The following CIRSR variants were observed in gnomAD, a reference collection of about 807,000 sequenced individuals.
CIRSR encodes the protein CBF1 (RBPJ) interacting corepressor 1.
At chr2:174,380,773 G>A in the CIRSR span, 1 of 1,601,598 alleles carries the variant, frequency 6.2e-7, no homozygotes, top group Admixed American at 1.7e-5. Flanking sequence ...TCAACTGCAA[G>A]TAAATTCAGA....
At chr2:174,356,115 G>A in the CIRSR span, among the ~76,000 whole-genome samples, 2 of 152,022 alleles carry the variant, frequency 1.3e-5, no homozygotes, top group Admixed American at 6.6e-5. Context: ...CAATTTTATG[G>A]TATTAAGTAG....
the CIRSR span, among the ~76,000 whole-genome samples, chr2:174,394,731 C>T: frequency 6.6e-6 from 1 of 152,112 alleles, no homozygotes. Context: ...CACCTCAACT[C>T]GTTCTAAAAA....
At chr2:174,372,237 T>A in the CIRSR span, among the ~76,000 whole-genome samples, 7 of 152,220 alleles carry the variant, frequency 4.6e-5, no homozygotes, top group African/African-American at 1.2e-4. Flanking sequence ...AATGTTAATT[T>A]AAAAAACTTA....
chr2:174,355,824 G>A, the CIRSR span, among the ~76,000 whole-genome samples: 1 of 152,140 alleles, frequency 6.6e-6, no homozygotes, highest in African/African-American at 2.4e-5. Flanking sequence ...ATGAGGAAAT[G>A]GCATACAACT....
At chr2:174,388,010 C>CA in the CIRSR span, among the ~76,000 whole-genome samples, 3 of 151,912 alleles carry the variant, frequency 2.0e-5, no homozygotes, top group Non-Finnish European at 4.4e-5. Flanking sequence ...AAGAAAAGGG[C>CA]AAAAAAATCT....
chr2:174,368,191 A>G, the CIRSR span, among the ~76,000 whole-genome samples: 1 of 152,174 alleles, frequency 6.6e-6, no homozygotes, highest in African/African-American at 2.4e-5. Flanking sequence ...AGGAGGATAT[A>G]GTTCAACTGA....
At chr2:174,376,798 A>AG in the CIRSR span, among the ~76,000 whole-genome samples, 2 of 119,600 alleles carry the variant, frequency 1.7e-5, no homozygotes, top group Admixed American at 8.2e-5. Flanking sequence ...ACTCTGTCTC[A>AG]GGGAAAAAAA....
At chr2:174,385,838 G>T in the CIRSR span, among the ~76,000 whole-genome samples, 1 of 151,962 alleles carries the variant, frequency 6.6e-6, no homozygotes, top group African/African-American at 2.4e-5. Context: ...CCTTACAGAG[G>T]AATTCAAATT....
the CIRSR span, among the ~76,000 whole-genome samples, chr2:174,370,797 G>C: frequency 6.6e-6 from 1 of 151,930 alleles, no homozygotes; most frequent in Non-Finnish European, 1.5e-5. Context: ...TGTAGTCCCA[G>C]CTACTTGGGA....
the CIRSR span, among the ~76,000 whole-genome samples, chr2:174,379,785 G>A: frequency 1.7e-4 from 23 of 134,954 alleles, no homozygotes; most frequent in African/African-American, 6.4e-4. Flanking sequence ...GTGCAATGGT[G>A]CAGTCTCGGC....
At chr2:174,382,396 T>C in the CIRSR span, among the ~76,000 whole-genome samples, 2 of 152,262 alleles carry the variant, frequency 1.3e-5, no homozygotes, top group South Asian at 2.1e-4. Flanking sequence ...CCCAGCACGC[T>C]GGGAGGCCAA....
chr2:174,349,905 A>C, the CIRSR span, among the ~76,000 whole-genome samples: 3 of 152,210 alleles, frequency 2.0e-5, no homozygotes, highest in Admixed American at 6.5e-5. Flanking sequence ...TATAAATATT[A>C]ATCAACGTTA....
chr2:174,356,005 C>T, the CIRSR span, among the ~76,000 whole-genome samples: 89 of 152,268 alleles, frequency 5.8e-4, no homozygotes, highest in South Asian at 0.012. Flanking sequence ...ATCTCCTGAC[C>T]TCGTGATCCA....
chr2:174,391,454 G>A, the CIRSR span, among the ~76,000 whole-genome samples: 65 of 152,276 alleles, frequency 4.3e-4, no homozygotes, highest in Admixed American at 1.2e-3. Flanking sequence ...GCCAGGCGTG[G>A]TGGTGTGTAT....
At chr2:174,369,198 C>T in the CIRSR span, among the ~76,000 whole-genome samples, 1 of 152,244 alleles carries the variant, frequency 6.6e-6, no homozygotes, top group Non-Finnish European at 1.5e-5. Flanking sequence ...TCTACATCAG[C>T]ATTTGCTGCT....
the CIRSR span, chr2:174,348,627 T>C: frequency 6.2e-7 from 1 of 1,614,256 alleles, no homozygotes; most frequent in Non-Finnish European, 8.5e-7. Context: ...AGGATTTCGC[T>C]GTGCCCGTTT....
the CIRSR span, chr2:174,348,984 AT>A: frequency 5.4e-5 from 85 of 1,584,484 alleles, 1 homozygote; most frequent in South Asian, 2.7e-4. Context: ...CTTCCTTTGT[AT>A]TTTTTTTTCT....
At chr2:174,363,872 G>A in the CIRSR span, among the ~76,000 whole-genome samples, 2 of 152,110 alleles carry the variant, frequency 1.3e-5, no homozygotes. Context: ...TGAGATCTGG[G>A]TGGGGACACG....
the CIRSR span, among the ~76,000 whole-genome samples, chr2:174,389,885 C>T: frequency 2.0e-5 from 3 of 152,198 alleles, no homozygotes; most frequent in Non-Finnish European, 4.4e-5. Flanking sequence ...TGGGCCTACA[C>T]GTGCGCAGAA....
Sources: allele counts gnomAD v4.1 joint callset (sites outside exome capture counted in the v4.1 genomes callset), GRCh38; gene constraint gnomAD v4.1.1; transcripts MANE v1.5; gene names NCBI Gene and HGNC (gene_info 2026-07-23, HGNC 2026-07-21).